The following NTRK2 variants were observed in gnomAD, a reference collection of about 807,000 sequenced individuals.
NTRK2 encodes the protein neurotrophic receptor tyrosine kinase 2, also known as BDNF/NT-3 growth factors receptor.
NTRK2 carries 13 observed loss-of-function variants against 94.5 expected under a neutral mutation model. The ratio of observed to expected loss-of-function variants is 0.14; its 90% CI spans 0.09 to 0.22. The LOEUF is 0.22. Ranked by LOEUF, NTRK2 falls within the 10% of genes least tolerant of loss-of-function variation. The pLI is 1.00. For synonymous variants in NTRK2, 372 were observed against 407.4 expected, an observed-to-expected ratio of 0.91 and a Z score of 1.05; for missense variants, 639 against 1,071.2, an observed-to-expected ratio of 0.60 and a Z score of 5.63.
At chr9:84,724,846 C>G (rs2062333105) in intron 8 of NTRK2, among the ~76,000 whole-genome samples, 1 of 152,156 alleles carries the variant, frequency 6.6e-6, no homozygotes, top group Admixed American at 6.5e-5. Flanking sequence ...ATTAGTCCTA[C>G]TTAAATTACT....
intron 12 of NTRK2, among the ~76,000 whole-genome samples, chr9:84,784,720 A>T (rs75283077): frequency 6.6e-5 from 10 of 152,156 alleles, no homozygotes; most frequent in Non-Finnish European, 1.2e-4. Context: ...CCCTTTAGTG[A>T]CATCTCCTGA....
At chr9:84,780,050 T>G (rs1489764130) in intron 12 of NTRK2, among the ~76,000 whole-genome samples, 1 of 151,992 alleles carries the variant, frequency 6.6e-6, no homozygotes, top group Non-Finnish European at 1.5e-5. Flanking sequence ...TGCGGTTTTT[T>G]TTTTCCTTAA....
intron 17 of NTRK2, among the ~76,000 whole-genome samples, chr9:84,967,602 A>G (rs564710245): frequency 6.9e-4 from 105 of 152,346 alleles, no homozygotes; most frequent in African/African-American, 2.4e-3. Context: ...GCCTTCTCAT[A>G]AGGGGGTGGA....
At chr9:84,917,269 G>A (rs750601910) in intron 14 of NTRK2, among the ~76,000 whole-genome samples, 1 of 152,088 alleles carries the variant, frequency 6.6e-6, no homozygotes, top group Non-Finnish European at 1.5e-5. Flanking sequence ...TTTTTAAATT[G>A]AGTATTGAAT....
At position 84,855,244 on chromosome 9, in the gene NTRK2, G is replaced by A. The variant is rs539849145; in HGVS notation, c.1397-5796G>A. Among the ~76,000 whole-genome samples the A allele has an allele frequency of 3.7e-4, 57 of 152,288 alleles. No homozygotes were observed. In the South Asian group the frequency reaches 0.011, roughly 28 times the overall value. The stretch of plus-strand genomic sequence containing the variant: ...GCAGCTCATGGGAAACAGATTGGGG[G>A]AGGAAAGAATGAAGCAGTGAGCTAA... On this transcript the variant is annotated intron_variant, in intron 12 of 18. Transcript: ENST00000277120.
chr9:84,762,450 A>G (rs989977464), intron 12 of NTRK2, among the ~76,000 whole-genome samples: 5 of 152,242 alleles, frequency 3.3e-5, no homozygotes, highest in African/African-American at 1.2e-4. Context: ...CCATAGCCCA[A>G]AAGACATAAT....
chr9:84,889,750 T>C (rs1564436215), intron 14 of NTRK2, among the ~76,000 whole-genome samples: 1 of 152,248 alleles, frequency 6.6e-6, no homozygotes, highest in Non-Finnish European at 1.5e-5. Flanking sequence ...TCACATATCA[T>C]TGGTGGCATA....
At chr9:84,758,752 A>T (rs1249355134) in intron 12 of NTRK2, among the ~76,000 whole-genome samples, 2 of 152,220 alleles carry the variant, frequency 1.3e-5, no homozygotes, top group Non-Finnish European at 2.9e-5. Context: ...AGAGACGTAT[A>T]GAATAAAGAT....
intron 15 of NTRK2, among the ~76,000 whole-genome samples, chr9:84,944,728 C>T (rs2078535478): frequency 2.0e-5 from 3 of 152,196 alleles, no homozygotes; most frequent in Admixed American, 1.3e-4. Flanking sequence ...AGCACCTCTG[C>T]TCTCATATCT....
chr9:84,990,468 C>T (rs1039279344), intron 17 of NTRK2, among the ~76,000 whole-genome samples: 1 of 152,192 alleles, frequency 6.6e-6, no homozygotes, highest in African/African-American at 2.4e-5. Flanking sequence ...GAAGCCCAGG[C>T]ACTCTTTTGC....
chr9:84,871,728 T>C, intron 14 of NTRK2: 1 of 1,419,032 alleles, frequency 7.0e-7, no homozygotes, highest in Admixed American at 1.7e-5. Context: ...TAGAGCAATC[T>C]GAACAGGGCT....
intron 17 of NTRK2, among the ~76,000 whole-genome samples, chr9:85,018,502 G>T (rs1832484163): frequency 6.6e-6 from 1 of 152,132 alleles, no homozygotes; most frequent in African/African-American, 2.4e-5. Context: ...GCCCAGACCT[G>T]GTGAGATCAT....
chr9:84,702,739 T>G (rs2060808784), intron 4 of NTRK2, among the ~76,000 whole-genome samples: 1 of 152,190 alleles, frequency 6.6e-6, no homozygotes, highest in African/African-American at 2.4e-5. Flanking sequence ...CTTGGAATAA[T>G]GACATACTCC....
chr9:84,861,933 A>G (rs1278097415), intron 13 of NTRK2, among the ~76,000 whole-genome samples: 2 of 152,122 alleles, frequency 1.3e-5, no homozygotes, highest in African/African-American at 2.4e-5. Context: ...CATCCACCCT[A>G]TGCTTGTTCA....
At chr9:84,729,875 T>C (rs961325635) in intron 9 of NTRK2, among the ~76,000 whole-genome samples, 4 of 152,204 alleles carry the variant, frequency 2.6e-5, no homozygotes, top group East Asian at 1.9e-4. Flanking sequence ...TTGATGTCTT[T>C]CCTTTTGAAC....
At chr9:84,783,664 G>A (rs2067833780) in intron 12 of NTRK2, among the ~76,000 whole-genome samples, 1 of 152,102 alleles carries the variant, frequency 6.6e-6, no homozygotes. Context: ...GAAAGAGCAT[G>A]GAGAAGAGAG....
At chr9:84,926,157 C>G (rs377052843) in intron 14 of NTRK2, among the ~76,000 whole-genome samples, 2 of 80,326 alleles carry the variant, frequency 2.5e-5, no homozygotes, top group African/African-American at 9.1e-5. Flanking sequence ...TTCCTTCCTT[C>G]CTTCCTTCCT....
chr9:84,683,616 G>C (rs1260250184), intron 2 of NTRK2, among the ~76,000 whole-genome samples: 1 of 152,102 alleles, frequency 6.6e-6, no homozygotes, highest in Non-Finnish European at 1.5e-5. Flanking sequence ...TTGGTTCCAA[G>C]TCTTTGCTAT....
intron 17 of NTRK2, among the ~76,000 whole-genome samples, chr9:84,972,989 C>T (rs1014161959): frequency 6.6e-6 from 1 of 152,192 alleles, no homozygotes; most frequent in Non-Finnish European, 1.5e-5. Flanking sequence ...TCCATGCTTT[C>T]CTTCCTTCTT....
Sources: gnomAD v4.1 joint callset for allele counts (sites outside exome capture counted in the v4.1 genomes callset) on GRCh38, gnomAD v4.1.1 for gene constraint, MANE v1.5 for transcripts, NCBI Gene and HGNC (gene_info 2026-07-23, HGNC 2026-07-21) for gene names.